Variants in OR2L13 observed in about 807,000 individuals in gnomAD.
OR2L13 encodes the protein olfactory receptor family 2 subfamily L member 13.
Under a neutral mutation model 15.3 loss-of-function variants are expected in OR2L13, and 14 were observed. That is an observed-to-expected ratio of 0.91 (90% CI 0.60 to 1.43). OR2L13 has a LOEUF of 1.43. OR2L13 is among the 40% of genes most tolerant of loss of function. OR2L13 has a pLI of 0.00. For missense variants in OR2L13, 367 were observed against 387.9 expected (o/e 0.95, Z 0.45); for synonymous variants, 152 against 142.9 (o/e 1.06, Z -0.45).
chr1:248,071,002 A>G, the OR2L13 span, among the ~76,000 whole-genome samples: 1 of 152,192 alleles, frequency 6.6e-6, no homozygotes, highest in Admixed American at 6.5e-5. Context: ...CCAACCAAAA[A>G]GAGTCCAGGA....
chr1:248,059,541 G>A, the OR2L13 span, among the ~76,000 whole-genome samples: 1 of 152,162 alleles, frequency 6.6e-6, no homozygotes, highest in Admixed American at 6.6e-5. Context: ...AAAGAGAATG[G>A]ATGATGATGA....
At chr1:247,980,092 A>C in the OR2L13 span, among the ~76,000 whole-genome samples, 1 of 152,256 alleles carries the variant, frequency 6.6e-6, no homozygotes, top group South Asian at 2.1e-4. Context: ...TAGAAGGCAT[A>C]ATTAATTTAC....
chr1:248,034,893 G>A, the OR2L13 span, among the ~76,000 whole-genome samples: 2 of 152,146 alleles, frequency 1.3e-5, no homozygotes, highest in African/African-American at 4.8e-5. Context: ...TTTGGCTGTT[G>A]ATGTTGCATG....
chr1:248,064,177 C>A, the OR2L13 span, among the ~76,000 whole-genome samples: 1 of 152,116 alleles, frequency 6.6e-6, no homozygotes, highest in Admixed American at 6.5e-5. Flanking sequence ...TAAATCTTAA[C>A]CCTCAATGTC....
the OR2L13 span, among the ~76,000 whole-genome samples, chr1:247,963,563 T>G: frequency 6.6e-6 from 1 of 152,206 alleles, no homozygotes; most frequent in Non-Finnish European, 1.5e-5. Context: ...ATGCTTGGGT[T>G]GAAACTCCAG....
At chr1:247,990,285 A>G in the OR2L13 span, 6 of 989,256 alleles carry the variant, frequency 6.1e-6, no homozygotes, top group Non-Finnish European at 9.7e-6. Flanking sequence ...TTACAATCAA[A>G]CATCAACTGC....
chr1:248,099,990 T>C (rs1436970407), exon 3 of OR2L13: 4 of 1,614,144 alleles, frequency 2.5e-6, no homozygotes, highest in African/African-American at 2.7e-5. Flanking sequence ...CAAGCCTCTT[T>C]CTCCTTTTCC....
the OR2L13 span, among the ~76,000 whole-genome samples, chr1:248,059,227 G>T: frequency 1.3e-5 from 2 of 152,056 alleles, no homozygotes; most frequent in African/African-American, 4.8e-5. Context: ...GTGGTATTTG[G>T]CTCTAGACTA....
chr1:248,075,112 A>T, the OR2L13 span, among the ~76,000 whole-genome samples: 100 of 152,222 alleles, frequency 6.6e-4, no homozygotes, highest in African/African-American at 2.4e-3. Flanking sequence ...TATGAGTGAG[A>T]ACATGCAGTA....
chr1:247,958,641 A>G, the OR2L13 span, among the ~76,000 whole-genome samples: 220 of 152,200 alleles, frequency 1.4e-3, no homozygotes, highest in Non-Finnish European at 2.6e-3. Context: ...TTGGGTGCAT[A>G]TATATTTAGG....
At chr1:248,088,676 G>A in the OR2L13 span, among the ~76,000 whole-genome samples, 3 of 152,116 alleles carry the variant, frequency 2.0e-5, no homozygotes, top group African/African-American at 4.8e-5. Flanking sequence ...TAAGGGCAGG[G>A]TAGCCTGTTC....
the OR2L13 span, among the ~76,000 whole-genome samples, chr1:247,964,896 ATAT>A: frequency 0.021 from 3,128 of 149,018 alleles, 61 homozygotes; most frequent in East Asian, 0.089. Context: ...TTTTTATATA[ATAT>A]TCATAAATAC....
chr1:248,003,586 G>C, the OR2L13 span: 1 of 1,612,104 alleles, frequency 6.2e-7, no homozygotes. Flanking sequence ...TCATAGGCTC[G>C]ATCAATGCTT....
At chr1:248,016,837 T>A in the OR2L13 span, among the ~76,000 whole-genome samples, 10 of 152,064 alleles carry the variant, frequency 6.6e-5, no homozygotes, top group Non-Finnish European at 1.3e-4. Context: ...TTGTGTGTGA[T>A]GTAGAGAAGT....
the OR2L13 span, among the ~76,000 whole-genome samples, chr1:247,973,380 C>T: frequency 7.9e-5 from 12 of 152,160 alleles, no homozygotes; most frequent in Admixed American, 3.3e-4. Context: ...TAGAAATCCC[C>T]ATCATCTCCA....
At chr1:248,080,638 G>A in the OR2L13 span, among the ~76,000 whole-genome samples, 1 of 152,206 alleles carries the variant, frequency 6.6e-6, no homozygotes, top group Non-Finnish European at 1.5e-5. Context: ...TAGTCTTTGT[G>A]GTGTATATGG....
the OR2L13 span, chr1:248,038,937 G>A: frequency 1.2e-6 from 2 of 1,614,058 alleles, no homozygotes; most frequent in Non-Finnish European, 1.7e-6. Context: ...TCTCCTTGCT[G>A]TCTACCGCAT....
At chr1:248,022,803 C>T in the OR2L13 span, 1 of 1,613,874 alleles carries the variant, frequency 6.2e-7, no homozygotes, top group South Asian at 1.1e-5. Flanking sequence ...AATGCTCAAC[C>T]CCATCATCTA....
the OR2L13 span, chr1:248,061,481 C>T: frequency 1.2e-6 from 2 of 1,613,988 alleles, no homozygotes; most frequent in Non-Finnish European, 1.7e-6. Context: ...CTGCGATCTC[C>T]AACAGAGGAC....
Sources: gnomAD v4.1 joint callset for allele counts (sites outside exome capture counted in the v4.1 genomes callset) on GRCh38, gnomAD v4.1.1 for gene constraint, MANE v1.5 for transcripts, NCBI Gene and HGNC (gene_info 2026-07-23, HGNC 2026-07-21) for gene names.